JAK3: variants seen among roughly 807,000 people sequenced by gnomAD.
JAK3 encodes tyrosine-protein kinase JAK3.
In JAK3, 88 loss-of-function variants were observed where a neutral mutation model predicts 120.8. The ratio of observed to expected loss-of-function variants is 0.73; its 90% CI spans 0.61 to 0.87. The LOEUF (loss-of-function observed/expected upper bound fraction) is 0.87. JAK3 is among the 40% of genes least tolerant of loss of function. The pLI, the probability that JAK3 is intolerant of heterozygous loss-of-function variation, is 0.00. For synonymous variants in JAK3, 592 were observed against 628.6 expected (o/e 0.94, Z 0.87); for missense variants, 1,254 against 1,501.4 (o/e 0.84, Z 2.72).
intron 23 of JAK3, 46 bp from the exon 24 acceptor site, chr19:17,826,956 A>G: frequency 6.3e-7 from 1 of 1,585,530 alleles, no homozygotes; most frequent in Non-Finnish European, 8.6e-7. Context: ...GAGCAGTCCA[A>G]AGGACACAAC....
intron 1 of JAK3, among the ~76,000 whole-genome samples, chr19:17,846,788 T>C (rs1181898423): frequency 6.6e-6 from 1 of 152,212 alleles, no homozygotes; most frequent in Non-Finnish European, 1.5e-5. Context: ...TTTCACCATG[T>C]TGGCCAGGCT....
At chr19:17,828,640 C>G (rs534607757) in intron 23 of JAK3, among the ~76,000 whole-genome samples, 28 of 152,248 alleles carry the variant, frequency 1.8e-4, no homozygotes, top group African/African-American at 6.7e-4. Flanking sequence ...CCTTCTGCCT[C>G]AGCCTCCCAA....
chr19:17,839,789 G>A, intron 9 of JAK3, 126 bp from the exon 10 acceptor site: 1 of 838,684 alleles, frequency 1.2e-6, no homozygotes. Flanking sequence ...CACCCAGGCT[G>A]GAGTGCAATG....
Position 17,847,939 on chromosome 19 carries a change from C to T in JAK3, c.-14+7G>A. Reference sequence around the variant, plus strand: ...GGGCCGAGCCCTGCGGCATCGCCAGCTCTTACCTAGCGGGCAGGGACCCTG... The same window carrying T: ...GGGCCGAGCCCTGCGGCATCGCCAGTTCTTACCTAGCGGGCAGGGACCCTG... On this transcript the variant is annotated splice_region_variant and intron_variant, in intron 1 of 23. Transcript: ENST00000458235. The T allele has an allele frequency of 1.9e-6, 2 of 1,028,588 alleles. No homozygotes were observed. Among genetic ancestry groups the T allele is most frequent in the Non-Finnish European group, 2.3e-6 (2 of 854,296 alleles). 63.7% of individuals were successfully genotyped at this position (1,028,588 alleles called of 1,614,324 possible).
Position 17,841,412 on chromosome 19 carries a change from G to C in JAK3, c.1119C>G (p.Ala373=), listed in dbSNP as rs1362489795. Residue 373 remains alanine, a synonymous_variant, in exon 8 of 24, where the codon GCC becomes GCG. Transcript: ENST00000458235. This position sits in a 1 kb window ranked among gnomAD's most constrained non-coding sequence, Gnocchi z 4.1. ...ACGTGATGGGGCCGTGGCACTGCTC[G>C]GCCACTTCCTCCAGCAGCCTCGGCG... ...VAPPRLLEEV[A]EQCHGPITLD... 2 of 1,552,394 alleles carry C rather than the reference G, an allele frequency of 1.3e-6. No individual in the cohort carries two copies. Among genetic ancestry groups the C allele is most frequent in the Non-Finnish European group, 1.7e-6 (2 of 1,148,618 alleles).
chr19:17,838,220 G>A (rs1257768749), intron 11 of JAK3, 43 bp downstream of exon 11: 8 of 1,613,402 alleles, frequency 5.0e-6, no homozygotes, highest in Non-Finnish European at 6.8e-6. Flanking sequence ...TGAGTCTCTG[G>A]ACCCCAGACT....
chr19:17,846,755 T>C (rs897626036), intron 1 of JAK3, among the ~76,000 whole-genome samples: 4 of 152,094 alleles, frequency 2.6e-5, no homozygotes, highest in African/African-American at 9.7e-5. Flanking sequence ...CAGCTAATTT[T>C]TGTATTTTTA....
Position 17,843,584 on chromosome 19 carries a change from G to C in JAK3, c.309-93C>G, listed in dbSNP as rs373999207. On this transcript the variant is annotated intron_variant, in intron 3 of 23. Transcript: ENST00000458235. The surrounding 1 kb of genome is among the most constrained non-coding windows in gnomAD (Gnocchi z 5.4). ...GGGGGCGAGGGACAGATTCTGCGGA[G>C]GCCTCACAGAGCCCAGCTTGTACCT... 14 of 1,177,466 alleles carry C rather than the reference G, an allele frequency of 1.2e-5. No homozygotes were observed. The highest frequency in any genetic ancestry group is 7.5e-5 in the African/African-American group (5 of 66,314). 72.9% of individuals were successfully genotyped at this position (1,177,466 alleles called of 1,614,324 possible). A position where few individuals can be genotyped will look rare whatever the true frequency, so the allele number is the denominator to read the frequency against.
At chr19:17,827,832 G>A (rs1184088331) in intron 23 of JAK3, among the ~76,000 whole-genome samples, 1 of 148,658 alleles carries the variant, frequency 6.7e-6, no homozygotes, top group African/African-American at 2.5e-5. Context: ...AACCTGGGAG[G>A]CGGAAGTTGT....
rs1358410227 is a variant in JAK3, at chr19:17,839,073, C to CGACA, written c.1441+400_1441+403dup. ...AGCCCCCATAGGGATTTGGGATGAGCGACAAGGAAGGAAGGAGCCCTGCAG... is the reference window on the plus strand; with the variant it reads ...AGCCCCCATAGGGATTTGGGATGAGCGACAGACAAGGAAGGAAGGAGCCCTGCAG... On this transcript the variant is annotated intron_variant, in intron 10 of 23. Transcript: ENST00000458235. 1.4e-5 allele frequency: 5 copies of CGACA among 356,108 alleles called. No individual in the cohort carries two copies. The East Asian group carries it at 3.8e-4, about 27-fold the overall frequency. 22.1% of individuals were successfully genotyped at this position (356,108 alleles called of 1,614,324 possible).
At chr19:17,845,275 C>A (rs542377816) in intron 1 of JAK3, among the ~76,000 whole-genome samples, 1 of 152,118 alleles carries the variant, frequency 6.6e-6, no homozygotes, top group East Asian at 1.9e-4. Context: ...TCAAGAGATT[C>A]TCGTGCCTCA....
At chr19:17,845,967 G>T (rs559434519) in intron 1 of JAK3, among the ~76,000 whole-genome samples, 2 of 152,098 alleles carry the variant, frequency 1.3e-5, no homozygotes, top group East Asian at 3.9e-4. Context: ...ACAGGGGCAC[G>T]CCACCATGCC....
Position 17,843,878 on chromosome 19 carries a change from G to C in JAK3, c.207C>G (p.Ser69=), listed in dbSNP as rs775633197. The C allele has an allele frequency of 5.6e-6, 9 of 1,613,564 alleles. No individual in the cohort carries two copies. The South Asian group carries it at 9.9e-5, about 18-fold the overall frequency. The change falls in exon 3 of 24, where the codon TCC becomes TCG. Residue 69 remains serine (S), a synonymous_variant. Transcript: ENST00000458235. This position sits in a 1 kb window ranked among gnomAD's most constrained non-coding sequence, Gnocchi z 5.4. ...GGTCCTCCGTGGCCAGAGCAAAGAG[G>C]GAGTGGTACACAGGCAGGATGCCTA... ...KASGILPVYH[S]LFALATEDLS... is the part of the protein sequence containing the mutation.
At chr19:17,829,864 A>G (rs1599865559) in intron 23 of JAK3, 3 of 597,024 alleles carry the variant, frequency 5.0e-6, no homozygotes, top group East Asian at 2.8e-5. Context: ...GGTGTTCAGG[A>G]GTCTAATCTT....
In JAK3 at chr19:17,841,319, C is replaced by A; in HGVS notation, c.1142+70G>T. The A allele has an allele frequency of 1.4e-6, 2 of 1,479,518 alleles. No individual in the cohort carries two copies. The highest frequency in any genetic ancestry group is 1.8e-6 in the Non-Finnish European group (2 of 1,098,660). 91.6% of individuals were successfully genotyped at this position (1,479,518 alleles called of 1,614,324 possible). A position where few individuals can be genotyped will look rare whatever the true frequency, so the allele number is the denominator to read the frequency against. On this transcript the variant is annotated intron_variant, in intron 8 of 23. Coordinates refer to ENST00000458235, the MANE Select transcript of JAK3 (RefSeq NM_000215.4). The surrounding 1 kb of genome is among the most constrained non-coding windows in gnomAD (Gnocchi z 4.1). ...GTCCAGGGCTCCTGGAAGGTGAGGA[C>A]ACTGAGGCATAGAGAAGGGGAGGGG...
At chr19:17,829,812 T>TC in intron 23 of JAK3, 2 of 517,356 alleles carry the variant, frequency 3.9e-6, no homozygotes, top group Non-Finnish European at 6.9e-6. Flanking sequence ...TTATGGAGCA[T>TC]CGACTGTGTG....
chr19:17,844,053 A>G (rs2147700401), intron 2 of JAK3, among the ~76,000 whole-genome samples, 153 bp from the exon 3 acceptor site: 1 of 150,514 alleles, frequency 6.6e-6, no homozygotes, highest in East Asian at 1.9e-4. Context: ...CCGTCTGCAC[A>G]GGCCATTCCC....
rs200386518 is a variant in JAK3 at position 17,832,940 on chromosome 19, G to A, written c.2351-11C>T. On this transcript the variant is annotated splice_polypyrimidine_tract_variant and intron_variant, in intron 17 of 23. Transcript: ENST00000458235. This position sits in a 1 kb window ranked among gnomAD's most constrained non-coding sequence, Gnocchi z 4.7. ...AGAGGAGCTCATAGTCTGGGGTGGGGGCATGGGCAGTGGTAAGCAGCGCCT... is the reference window on the plus strand; with the variant it reads ...AGAGGAGCTCATAGTCTGGGGTGGGAGCATGGGCAGTGGTAAGCAGCGCCT... 19 of 1,611,052 alleles carry A rather than the reference G, an allele frequency of 1.2e-5. 1 individual carries two copies. Among genetic ancestry groups the A allele is most frequent in the Non-Finnish European group, 1.4e-5 (16 of 1,178,910 alleles).
Position 17,841,389 on chromosome 19 carries a change from G to T in JAK3, c.1142C>A (p.Thr381Asn), listed in dbSNP as rs373046546. ...EVAEQCHGPI[T>N]LDFAINKLKT... ...CCGGGAATGGGGGACAGGTCCTTACGTGATGGGGCCGTGGCACTGCTCGGC... is the reference window on the plus strand; with the variant it reads ...CCGGGAATGGGGGACAGGTCCTTACTTGATGGGGCCGTGGCACTGCTCGGC... The change falls in exon 8 of 24, where the codon ACT becomes AAT. Residue 381 changes from threonine to asparagine, a missense_variant and splice_region_variant. Physicochemically the swap from Thr to Asn is moderately conservative, Grantham distance 65. Coordinates refer to ENST00000458235, the MANE Select transcript of JAK3 (RefSeq NM_000215.4). The surrounding 1 kb of genome is among the most constrained non-coding windows in gnomAD (Gnocchi z 4.1). 2.3e-5 allele frequency: 35 copies of T among 1,548,968 alleles called. No homozygotes were observed. In the African/African-American group the frequency reaches 4.5e-4, roughly 20 times the overall value.
Sources: allele counts gnomAD v4.1 joint callset (sites outside exome capture counted in the v4.1 genomes callset), GRCh38; gene constraint gnomAD v4.1.1; non-coding constraint Gnocchi (gnomAD v3.1); transcripts MANE v1.5; gene names NCBI Gene and HGNC (gene_info 2026-07-23, HGNC 2026-07-21).